Variants in CNTN5 observed in about 807,000 individuals in gnomAD.
CNTN5 encodes the protein contactin-5.
Under a neutral mutation model 129.1 loss-of-function variants are expected in CNTN5, and 77 were observed. The ratio of observed to expected loss-of-function variants is 0.60; its 90% CI spans 0.50 to 0.72. CNTN5 has a LOEUF of 0.72. Among genes scored for constraint, CNTN5 ranks in the 30% least tolerant of loss-of-function variants. The probability of loss-of-function intolerance (pLI) is 0.00; values close to 1 mark genes in which losing one functional copy is unlikely to be tolerated. For synonymous variants in CNTN5, 509 were observed against 465.6 expected (o/e 1.09, Z -1.20); for missense variants, 1,478 against 1,328.8 (o/e 1.11, Z -1.75).
chr11:99,402,955 CT>C (rs948512697), intron 2 of CNTN5, among the ~76,000 whole-genome samples: 4 of 149,738 alleles, frequency 2.7e-5, no homozygotes, highest in Admixed American at 6.6e-5. Context: ...CTAATCTTTC[CT>C]TTTTTTTTTC....
At chr11:99,868,974 C>A (rs1948429621) in intron 6 of CNTN5, among the ~76,000 whole-genome samples, 1 of 152,110 alleles carries the variant, frequency 6.6e-6, no homozygotes, top group Non-Finnish European at 1.5e-5. Flanking sequence ...ATTTCAAACA[C>A]CAATTAAGTT....
At chr11:99,812,046 G>A (rs535975334) in intron 3 of CNTN5, among the ~76,000 whole-genome samples, 1 of 152,168 alleles carries the variant, frequency 6.6e-6, no homozygotes, top group African/African-American at 2.4e-5. Context: ...AAGTGAAGTA[G>A]TATTTCTTGG....
At chr11:99,270,987 T>A (rs777124947) in intron 1 of CNTN5, among the ~76,000 whole-genome samples, 1 of 151,978 alleles carries the variant, frequency 6.6e-6, no homozygotes, top group Non-Finnish European at 1.5e-5. Context: ...AGCAAAAGAA[T>A]CATGTCTGTC....
intron 1 of CNTN5, among the ~76,000 whole-genome samples, chr11:99,317,990 G>T (rs1449304093): frequency 6.6e-6 from 1 of 152,046 alleles, no homozygotes; most frequent in Non-Finnish European, 1.5e-5. Context: ...ATTCTGGGTG[G>T]TGTGGTCCTA....
intron 8 of CNTN5, among the ~76,000 whole-genome samples, chr11:99,978,585 A>T (rs930436625): frequency 6.6e-6 from 1 of 152,200 alleles, no homozygotes; most frequent in East Asian, 1.9e-4. Flanking sequence ...TTGTATTACA[A>T]TTGTCTACAG....
intron 4 of CNTN5, among the ~76,000 whole-genome samples, chr11:99,829,946 C>A (rs1947085327): frequency 6.6e-6 from 1 of 152,076 alleles, no homozygotes; most frequent in African/African-American, 2.4e-5. Flanking sequence ...ATAAACTGAT[C>A]CTTGATTTCA....
chr11:99,191,909 A>G (rs1858662988), intron 1 of CNTN5, among the ~76,000 whole-genome samples: 1 of 151,840 alleles, frequency 6.6e-6, no homozygotes. Flanking sequence ...AGAAGCAGCA[A>G]GAATAAGTTA....
At chr11:99,217,743 A>G (rs1860201163) in intron 1 of CNTN5, among the ~76,000 whole-genome samples, 1 of 151,618 alleles carries the variant, frequency 6.6e-6, no homozygotes, top group South Asian at 2.1e-4. Flanking sequence ...TAAATCTACC[A>G]ACCCACTCAT....
intron 2 of CNTN5, among the ~76,000 whole-genome samples, chr11:99,538,512 T>A (rs189585198): frequency 6.6e-6 from 1 of 152,236 alleles, no homozygotes; most frequent in African/African-American, 2.4e-5. Context: ...ATTAGAAACC[T>A]AAAGAAACAC....
chr11:99,397,239 G>A (rs533340032), intron 2 of CNTN5, among the ~76,000 whole-genome samples: 4 of 151,846 alleles, frequency 2.6e-5, no homozygotes, highest in South Asian at 4.1e-4. Context: ...AGATTTTTGG[G>A]AGGAAGAACA....
chr11:99,345,430 A>T (rs532703052), intron 2 of CNTN5, among the ~76,000 whole-genome samples: 23 of 152,324 alleles, frequency 1.5e-4, no homozygotes, highest in South Asian at 1.0e-3. Context: ...AAGGCAACTT[A>T]AAATAAATAT....
intron 21 of CNTN5, 155 bp downstream of exon 21, chr11:100,308,623 G>T (rs1951407448): frequency 7.4e-7 from 1 of 1,352,768 alleles, no homozygotes; most frequent in African/African-American, 1.5e-5. Flanking sequence ...TTACTGGGAT[G>T]TGTTATGTTG....
At chr11:99,222,297 A>G (rs890218070) in intron 1 of CNTN5, among the ~76,000 whole-genome samples, 12 of 152,082 alleles carry the variant, frequency 7.9e-5, no homozygotes, top group African/African-American at 2.9e-4. Context: ...ATATAGATAA[A>G]TACAATATAA....
chr11:99,842,336 A>C (rs1466041544), intron 4 of CNTN5, among the ~76,000 whole-genome samples: 1 of 152,224 alleles, frequency 6.6e-6, no homozygotes, highest in African/African-American at 2.4e-5. Flanking sequence ...TCTGGCATAT[A>C]GTAATTATAC....
rs562170214 is a variant in CNTN5, at chr11:99,738,632, T to TGG, written c.56-80911_56-80910insGG. ...AGACAGTAACGTGTGTGTGTGTGTG[T>TGG]GTGTGTGTGTATGTGTGTGTAGAAC... On this transcript the variant is annotated intron_variant, in intron 3 of 24. Transcript: ENST00000524871. Among the ~76,000 whole-genome samples, 402 of 151,154 alleles carry TGG rather than the reference T, an allele frequency of 2.7e-3. 4 individuals carry two copies. Among genetic ancestry groups the TGG allele is most frequent in the African/African-American group, 9.3e-3 (381 of 40,930 alleles).
chr11:99,884,841 A>G (rs531833684), intron 6 of CNTN5, among the ~76,000 whole-genome samples: 31 of 152,172 alleles, frequency 2.0e-4, no homozygotes, highest in Admixed American at 1.6e-3. Context: ...GCTGGGTGTG[A>G]TGGCATGTGC....
chr11:99,248,675 T>G (rs372481833), intron 1 of CNTN5, among the ~76,000 whole-genome samples: 3 of 152,056 alleles, frequency 2.0e-5, no homozygotes, highest in African/African-American at 7.2e-5. Flanking sequence ...TTTCAGCTTT[T>G]TACATATGGC....
At chr11:99,592,503 A>C (rs1262543327) in intron 3 of CNTN5, among the ~76,000 whole-genome samples, 1 of 152,186 alleles carries the variant, frequency 6.6e-6, no homozygotes, top group East Asian at 1.9e-4. Flanking sequence ...AGACACAGCC[A>C]TTTGAGTATG....
At chr11:99,084,637 C>CT (rs1865927922) in intron 1 of CNTN5, among the ~76,000 whole-genome samples, 1 of 152,038 alleles carries the variant, frequency 6.6e-6, no homozygotes, top group African/African-American at 2.4e-5. Context: ...TTTTTCTCAA[C>CT]TGAATTTACC....
Sources: allele counts gnomAD v4.1 joint callset (sites outside exome capture counted in the v4.1 genomes callset), GRCh38; gene constraint gnomAD v4.1.1; transcripts MANE v1.5; gene names NCBI Gene and HGNC (gene_info 2026-07-23, HGNC 2026-07-21).